Variants in UQCC1 observed in about 807,000 individuals in gnomAD.
UQCC1 encodes bFGF-repressed Zic-binding protein.
A neutral mutation model predicts 48.0 loss-of-function variants in UQCC1; 38 were observed. That is an observed-to-expected ratio of 0.79 (90% CI 0.61 to 1.04). The LOEUF is 1.04. Among genes scored for constraint, UQCC1 ranks in the 50% least tolerant of loss-of-function variants. UQCC1 has a pLI of 0.00. For synonymous variants in UQCC1, 111 were observed against 129.2 expected (o/e 0.86, Z 0.95); for missense variants, 368 against 381.8 (o/e 0.96, Z 0.30).
At chr20:35,357,500 C>G (rs1009826471) in intron 6 of UQCC1, among the ~76,000 whole-genome samples, 1 of 123,892 alleles carries the variant, frequency 8.1e-6, no homozygotes, top group Non-Finnish European at 1.7e-5. Flanking sequence ...AGCCTGGCAA[C>G]AGAGCAAGAC....
At chr20:35,406,084 C>CA (rs1041931168) in intron 1 of UQCC1, among the ~76,000 whole-genome samples, 2 of 150,674 alleles carry the variant, frequency 1.3e-5, no homozygotes, top group East Asian at 1.9e-4. Flanking sequence ...AAAGCAAAAA[C>CA]AAAAAAAGAA....
intron 7 of UQCC1, among the ~76,000 whole-genome samples, chr20:35,338,179 C>T (rs1272187697): frequency 6.6e-6 from 1 of 151,664 alleles, no homozygotes; most frequent in Non-Finnish European, 1.5e-5. Context: ...CTTTTTTTTC[C>T]CCCTTAATCT....
chr20:35,368,560 T>C (rs1483629153), intron 5 of UQCC1, among the ~76,000 whole-genome samples: 2 of 152,092 alleles, frequency 1.3e-5, no homozygotes, highest in Admixed American at 1.3e-4. Context: ...TAAGGGCCCA[T>C]CTGCATACCA....
intron 7 of UQCC1, among the ~76,000 whole-genome samples, chr20:35,337,191 C>CT (rs762321477): frequency 0.026 from 3,680 of 143,196 alleles, 46 homozygotes; most frequent in Middle Eastern, 0.047. Flanking sequence ...AGCTAGCATT[C>CT]TTTTTTTTTT....
At chr20:35,407,837 A>G (rs1198250037) in intron 1 of UQCC1, among the ~76,000 whole-genome samples, 2 of 152,202 alleles carry the variant, frequency 1.3e-5, no homozygotes, top group Admixed American at 6.5e-5. Flanking sequence ...ATCCTGACCA[A>G]CATGGGGAAA....
At chr20:35,397,024 C>G (rs2062088092) in intron 1 of UQCC1, among the ~76,000 whole-genome samples, 1 of 151,920 alleles carries the variant, frequency 6.6e-6, no homozygotes, top group African/African-American at 2.4e-5. Flanking sequence ...TTCAGCCACC[C>G]ACAGATTAAA....
chr20:35,336,247 A>T (rs917457822), intron 7 of UQCC1, among the ~76,000 whole-genome samples: 9 of 152,222 alleles, frequency 5.9e-5, no homozygotes, highest in African/African-American at 2.2e-4. Flanking sequence ...GTGTAAGTCT[A>T]ATTAAATTGC....
chr20:35,403,067 CAA>C (rs10707620), intron 1 of UQCC1, among the ~76,000 whole-genome samples: 177 of 134,916 alleles, frequency 1.3e-3, no homozygotes, highest in Admixed American at 1.5e-3. Flanking sequence ...GACTTCGTCT[CAA>C]AAAAAAAAAA....
At chr20:35,366,242 C>A (rs1375745782) in intron 6 of UQCC1, among the ~76,000 whole-genome samples, 2 of 152,162 alleles carry the variant, frequency 1.3e-5, no homozygotes, top group African/African-American at 4.8e-5. Flanking sequence ...TAAATGTGAA[C>A]TTTCCTAAAA....
chr20:35,370,588 G>A (rs1438372496), intron 5 of UQCC1, among the ~76,000 whole-genome samples: 2 of 152,126 alleles, frequency 1.3e-5, no homozygotes, highest in African/African-American at 4.8e-5. Flanking sequence ...CATGCTATAG[G>A]TCTCAAAAGG....
rs752826676 is a variant in UQCC1, at chr20:35,408,855, CA to C, written c.24+3084del. On this transcript the variant is annotated intron_variant, in intron 1 of 9. Transcript: ENST00000374385. ...GCATGACAGAGCGAGACCCTATCTC[CA>C]AAAAAAAAAAAAGAGAAAATTCTGA... is the stretch of plus-strand genomic sequence containing the variant. Among the ~76,000 whole-genome samples the C allele has an allele frequency of 7.3e-3, 984 of 134,790 alleles. 4 individuals carry two copies. Among genetic ancestry groups the C allele is most frequent in the African/African-American group, 0.017 (637 of 36,494 alleles). 88.4% of individuals were successfully genotyped at this position (134,790 alleles called of 152,430 possible).
At chr20:35,353,214 T>C (rs1187488749) in intron 6 of UQCC1, among the ~76,000 whole-genome samples, 1 of 149,802 alleles carries the variant, frequency 6.7e-6, no homozygotes, top group East Asian at 2.0e-4. Flanking sequence ...CTGGCCAACA[T>C]GGTGAAACCC....
At chr20:35,408,008 G>A (rs1285671106) in intron 1 of UQCC1, among the ~76,000 whole-genome samples, 11 of 151,796 alleles carry the variant, frequency 7.2e-5, no homozygotes, top group African/African-American at 1.9e-4. Flanking sequence ...GGCAACACGC[G>A]TGAAACTCTG....
Position 35,341,235 on chromosome 20 carries a change from A to AG in UQCC1, c.573+5928_573+5929insC, listed in dbSNP as rs1555805856. 3.6e-3 allele frequency among the ~76,000 whole-genome samples: 535 copies of AG among 148,362 alleles called. 2 individuals carry two copies. Among genetic ancestry groups the AG allele is most frequent in the African/African-American group, 0.013 (510 of 39,782 alleles). On this transcript the variant is annotated intron_variant, in intron 7 of 9. Coordinates refer to ENST00000374385, the MANE Select transcript of UQCC1 (RefSeq NM_018244.5). ...GACTCCGTCAAAAAAAAAAAAAAAAAAAAGAAAGAAAGAAAGAAAGAAAAT... is the reference window on the plus strand; with the variant it reads ...GACTCCGTCAAAAAAAAAAAAAAAAAGAAAGAAAGAAAGAAAGAAAGAAAAT...
At chr20:35,304,999 TCAA>T (rs1033429729) in intron 9 of UQCC1, among the ~76,000 whole-genome samples, 3 of 152,136 alleles carry the variant, frequency 2.0e-5, no homozygotes, top group African/African-American at 4.8e-5. Context: ...GTTGAAAATC[TCAA>T]CAGAACCTCT....
At chr20:35,395,980 CTTTTTTTTTTT>C (rs1000858624) in intron 1 of UQCC1, among the ~76,000 whole-genome samples, 3 of 99,238 alleles carry the variant, frequency 3.0e-5, no homozygotes, top group Admixed American at 1.4e-4. Context: ...TTTGCAATGT[CTTTTTTTTTTT>C]TTTTTTTTTT....
At chr20:35,354,295 T>C (rs2061521306) in intron 6 of UQCC1, among the ~76,000 whole-genome samples, 1 of 152,180 alleles carries the variant, frequency 6.6e-6, no homozygotes, top group African/African-American at 2.4e-5. Flanking sequence ...TTGAGAAATA[T>C]ACAACCAGCA....
intron 1 of UQCC1, among the ~76,000 whole-genome samples, chr20:35,397,942 G>A (rs2062105815): frequency 6.6e-6 from 1 of 152,116 alleles, no homozygotes; most frequent in Non-Finnish European, 1.5e-5. Flanking sequence ...TTGATGGCAG[G>A]CACTTTTCTG....
chr20:35,385,021 CA>C (rs2061923756), intron 2 of UQCC1, among the ~76,000 whole-genome samples: 1 of 136,792 alleles, frequency 7.3e-6, no homozygotes, highest in Non-Finnish European at 1.6e-5. Context: ...CCTGGAACTA[CA>C]TCTAAGTCAA....
Sources: gnomAD v4.1 joint callset for allele counts (sites outside exome capture counted in the v4.1 genomes callset) on GRCh38, gnomAD v4.1.1 for gene constraint, MANE v1.5 for transcripts, NCBI Gene and HGNC (gene_info 2026-07-23, HGNC 2026-07-21) for gene names.